The following MCPH1 variants were observed in gnomAD, a reference collection of about 807,000 sequenced individuals.
The protein encoded by MCPH1 is microcephalin.
In MCPH1, 104 loss-of-function variants were observed where a neutral mutation model predicts 84.5. The ratio of observed to expected loss-of-function variants is 1.23; its 90% CI spans 1.05 to 1.45. The LOEUF is 1.45. MCPH1 is among the 40% of genes most tolerant of loss of function. The pLI is 0.00. For synonymous variants in MCPH1, 514 were observed against 366.8 expected, an observed-to-expected ratio of 1.40 and a Z score of -4.58; for missense variants, 1,498 against 1,005.7, an observed-to-expected ratio of 1.49 and a Z score of -6.62.
rs551408250 is a variant in MCPH1 at position 6,458,715 on chromosome 8, G to A, written c.1935+3463G>A. Among the ~76,000 whole-genome samples, 7 of 152,102 alleles carry A rather than the reference G, an allele frequency of 4.6e-5. No individual in the cohort carries two copies. The South Asian group carries it at 1.5e-3, about 32-fold the overall frequency. Reference sequence around the variant, plus strand: ...GCTAGAGTGTACTGGTGTTATCTCGGCTCACTGCAACCTCCGCCTCCTGAA... The same window carrying A: ...GCTAGAGTGTACTGGTGTTATCTCGACTCACTGCAACCTCCGCCTCCTGAA... On this transcript the variant is annotated intron_variant, in intron 9 of 13. Transcript: ENST00000344683.
chr8:6,614,970 C>G (rs1387004710), intron 12 of MCPH1, among the ~76,000 whole-genome samples: 1 of 152,166 alleles, frequency 6.6e-6, no homozygotes, highest in Non-Finnish European at 1.5e-5. Context: ...TAGTGAGCCT[C>G]CTAACACACG....
At chr8:6,457,547 G>A (rs1278347374) in intron 9 of MCPH1, among the ~76,000 whole-genome samples, 2 of 152,162 alleles carry the variant, frequency 1.3e-5, no homozygotes, top group South Asian at 2.1e-4. Flanking sequence ...GGAGGTTGCA[G>A]TGAGTCGAGA....
chr8:6,462,076 G>A (rs1806355042), intron 9 of MCPH1, among the ~76,000 whole-genome samples: 1 of 152,214 alleles, frequency 6.6e-6, no homozygotes, highest in African/African-American at 2.4e-5. Flanking sequence ...GTGGGTCAGA[G>A]CACAGAAATG....
chr8:6,440,688 T>A (rs1429102992), intron 6 of MCPH1, among the ~76,000 whole-genome samples: 1 of 152,228 alleles, frequency 6.6e-6, no homozygotes, highest in Non-Finnish European at 1.5e-5. Flanking sequence ...TTCTTGAAGT[T>A]ACTTTTGATT....
intron 2 of MCPH1, among the ~76,000 whole-genome samples, chr8:6,413,698 T>C (rs887618975): frequency 6.6e-6 from 1 of 151,958 alleles, no homozygotes; most frequent in Non-Finnish European, 1.5e-5. Context: ...TTCCAAGAGC[T>C]CTTTAGGATC....
chr8:6,450,764 A>G (rs1472936205), intron 8 of MCPH1, among the ~76,000 whole-genome samples: 1 of 151,916 alleles, frequency 6.6e-6, no homozygotes, highest in Non-Finnish European at 1.5e-5. Context: ...TTGTTTTGAG[A>G]TAGGGTCTCA....
chr8:6,535,892 CAA>C (rs373792367), intron 12 of MCPH1, among the ~76,000 whole-genome samples: 28,873 of 130,728 alleles, frequency 0.22, 3,445 homozygotes, highest in Admixed American at 0.31. Flanking sequence ...ACAAAAAATA[CAA>C]AAAAAAAAAA....
At chr8:6,457,282 C>T (rs1025524748) in intron 9 of MCPH1, among the ~76,000 whole-genome samples, 1 of 152,244 alleles carries the variant, frequency 6.6e-6, no homozygotes, top group East Asian at 1.9e-4. Flanking sequence ...AAGAATCACT[C>T]AAAGCAGGTT....
At position 6,527,270 on chromosome 8, in the gene MCPH1, T is replaced by C. The variant is rs1363886355; in HGVS notation, c.2214+27341T>C. On this transcript the variant is annotated intron_variant, in intron 12 of 13. Coordinates refer to ENST00000344683, the MANE Select transcript of MCPH1 (RefSeq NM_024596.5). Reference sequence around the variant, plus strand: ...CTCCACAGCACTAGCTGTATTTTTATAATAGATTAGCATGCAGAATACTGA... The same window carrying C: ...CTCCACAGCACTAGCTGTATTTTTACAATAGATTAGCATGCAGAATACTGA... Among the ~76,000 whole-genome samples, 3 of 152,080 alleles carry C rather than the reference T, an allele frequency of 2.0e-5. 1 individual carries two copies. The highest frequency in any genetic ancestry group is 2.0e-4 in the Admixed American group (3 of 15,258).
intron 12 of MCPH1, among the ~76,000 whole-genome samples, chr8:6,532,803 G>C (rs1428472298): frequency 6.6e-6 from 1 of 152,192 alleles, no homozygotes; most frequent in Admixed American, 6.5e-5. Flanking sequence ...CAGCCACAGG[G>C]ACTGCTGGGT....
At chr8:6,583,275 G>A (rs571939314) in intron 12 of MCPH1, among the ~76,000 whole-genome samples, 1 of 151,898 alleles carries the variant, frequency 6.6e-6, no homozygotes, top group African/African-American at 2.4e-5. Context: ...AAACAAACGA[G>A]ATACATGTGC....
chr8:6,549,816 C>G (rs895542212), intron 12 of MCPH1, among the ~76,000 whole-genome samples: 1 of 152,122 alleles, frequency 6.6e-6, no homozygotes, highest in East Asian at 1.9e-4. Context: ...CGCACAGATA[C>G]AAAAATTTAC....
intron 3 of MCPH1, 41 bp from the exon 4 acceptor site, chr8:6,431,458 G>C: frequency 1.4e-6 from 2 of 1,460,620 alleles, no homozygotes; most frequent in South Asian, 1.1e-5. Flanking sequence ...ATGTATAATA[G>C]AAGCAAATAC....
rs964357645 is a variant in MCPH1 at position 6,646,789 on chromosome 8, A to T, written c.*3740A>T. The T allele has an allele frequency of 6.6e-6, 1 of 152,224 alleles. No homozygotes were observed. The highest frequency in any genetic ancestry group is 1.5e-5 in the Non-Finnish European group (1 of 68,044). 9.4% of individuals were successfully genotyped at this position (152,224 alleles called of 1,614,324 possible). On this transcript the variant is annotated 3_prime_UTR_variant, in exon 14 of 14. Coordinates refer to ENST00000344683, the MANE Select transcript of MCPH1 (RefSeq NM_024596.5). Reference sequence around the variant, plus strand: ...CAATCTCTGTCTCCAGATATTCCCAAATGTGCCCTGGAGAGCAAAACTGTT... The same window carrying T: ...CAATCTCTGTCTCCAGATATTCCCATATGTGCCCTGGAGAGCAAAACTGTT...
chr8:6,423,185 C>CTG (rs1800499592), intron 3 of MCPH1, among the ~76,000 whole-genome samples: 1 of 110,786 alleles, frequency 9.0e-6, no homozygotes, highest in Admixed American at 1.0e-4. Flanking sequence ...TTTTTCTTTT[C>CTG]TTTTCTTTTT....
chr8:6,539,470 C>T lies in MCPH1; in HGVS notation c.2214+39541C>T, dbSNP rs113587511. On this transcript the variant is annotated intron_variant, in intron 12 of 13. Transcript: ENST00000344683. ...GGGTATTGTGACTTCTCTTAGGGAG[C>T]ACACTTGCCTTCACCTGCCCTGACC... is the stretch of plus-strand genomic sequence containing the variant. 2.1e-3 allele frequency among the ~76,000 whole-genome samples: 318 copies of T among 152,308 alleles called. 2 individuals carry two copies. The highest frequency in any genetic ancestry group is 7.0e-3 in the African/African-American group (293 of 41,562).
chr8:6,407,634 C>A (rs1267882045), intron 1 of MCPH1, among the ~76,000 whole-genome samples: 1 of 152,190 alleles, frequency 6.6e-6, no homozygotes, highest in East Asian at 1.9e-4. Context: ...TATACAAAGT[C>A]TGTAATCAGA....
At chr8:6,534,389 C>T (rs1355679969) in intron 12 of MCPH1, among the ~76,000 whole-genome samples, 1 of 152,116 alleles carries the variant, frequency 6.6e-6, no homozygotes, top group Non-Finnish European at 1.5e-5. Flanking sequence ...GAGGCTTGAG[C>T]ACCGTGGATT....
At chr8:6,589,239 T>C (rs1235928921) in intron 12 of MCPH1, among the ~76,000 whole-genome samples, 2 of 152,204 alleles carry the variant, frequency 1.3e-5, no homozygotes, top group Non-Finnish European at 2.9e-5. Flanking sequence ...TTTTCACTTA[T>C]TAAGTTTTCT....
Sources: allele counts gnomAD v4.1 joint callset (sites outside exome capture counted in the v4.1 genomes callset), GRCh38; gene constraint gnomAD v4.1.1; transcripts MANE v1.5; gene names NCBI Gene and HGNC (gene_info 2026-07-23, HGNC 2026-07-21).